The following DNAH10 variants were observed in gnomAD, a reference collection of about 807,000 sequenced individuals.
The protein encoded by DNAH10 is axonemal beta dynein heavy chain 10.
Under a neutral mutation model 506.6 loss-of-function variants are expected in DNAH10, and 348 were observed. That is an observed-to-expected ratio of 0.69 (90% confidence interval 0.63 to 0.75). The LOEUF (loss-of-function observed/expected upper bound fraction) is 0.75, where lower values mean the gene tolerates loss of function less well. Among genes scored for constraint, DNAH10 ranks in the 30% least tolerant of loss-of-function variants. DNAH10 has a pLI of 0.00. For synonymous variants in DNAH10, 2,059 were observed against 2,198.6 expected (o/e 0.94, Z 1.78); for missense variants, 5,179 against 5,787.1 (o/e 0.89, Z 3.41).
At position 123,907,353 on chromosome 12, in the gene DNAH10, AG is replaced by A. The variant is rs1409028467; in HGVS notation, c.9816-1905del. Among the ~76,000 whole-genome samples, 1 of 152,096 alleles carries A rather than the reference AG, an allele frequency of 6.6e-6. No individual in the cohort carries two copies. The highest frequency in any genetic ancestry group is 1.5e-5 in the Non-Finnish European group (1 of 68,010). Reference sequence around the variant, plus strand: ...TTATAAGGATTATTTTCCTCTAGGGAGGGTAGCATATCATTCTCCCTTTCTC... The same window carrying A: ...TTATAAGGATTATTTTCCTCTAGGGAGGTAGCATATCATTCTCCCTTTCTC... On this transcript the variant is annotated intron_variant, in intron 57 of 78. Transcript: ENST00000673944. The surrounding 1 kb of genome is among the most constrained non-coding windows in gnomAD (Gnocchi z 4.4).
intron 17 of DNAH10, 116 bp downstream of exon 17, chr12:123,803,941 A>G: frequency 2.0e-6 from 2 of 996,478 alleles, no homozygotes; most frequent in South Asian, 3.8e-5. Context: ...TGTTCCATGA[A>G]TGGCATCAAA....
At chr12:123,870,643 G>T (rs1951993510) in intron 44 of DNAH10, among the ~76,000 whole-genome samples, 158 bp downstream of exon 44, 1 of 152,174 alleles carries the variant, frequency 6.6e-6, no homozygotes, top group Non-Finnish European at 1.5e-5. Flanking sequence ...GCCCTCCTGG[G>T]CATGGAGGGT....
rs772049419 is a variant in DNAH10 at position 123,881,666 on chromosome 12, C to T, written c.8676C>T (p.Asn2892=). The T allele has an allele frequency of 6.5e-7, 1 of 1,541,654 alleles. No individual in the cohort carries two copies. The highest frequency in any genetic ancestry group is 1.2e-5 in the South Asian group (1 of 82,076). ...ATAATGAAAGCAACACCAAAATGAA[C>T]TTGGTTCTCTTCGACGATGCTCTGG... ...EEYNESNTKM[N]LVLFDDALEH... is the part of the protein sequence containing the mutation. Residue 2892 remains asparagine, a synonymous_variant, in exon 51 of 79, where the codon AAC becomes AAT. Transcript: ENST00000673944.
rs1450389333 is a variant in DNAH10 at position 123,826,674 on chromosome 12, T to C, written c.4180-13T>C. The C allele has an allele frequency of 1.2e-6, 2 of 1,611,638 alleles. No homozygotes were observed. Among genetic ancestry groups the C allele is most frequent in the Non-Finnish European group, 1.7e-6 (2 of 1,178,826 alleles). On this transcript the variant is annotated splice_polypyrimidine_tract_variant and intron_variant, in intron 24 of 78. Transcript: ENST00000673944. Reference sequence around the variant, plus strand: ...GGTCTTTGTTGATGGAGCTGTTCCTTGCACGTTTCCAGGTTGCAAAAGAAG... The same window carrying C: ...GGTCTTTGTTGATGGAGCTGTTCCTCGCACGTTTCCAGGTTGCAAAAGAAG...
chr12:123,886,920 G>A (rs1424066800), intron 51 of DNAH10, among the ~76,000 whole-genome samples: 4 of 152,166 alleles, frequency 2.6e-5, no homozygotes, highest in Admixed American at 1.3e-4. Context: ...TCACCTTGGG[G>A]TACATTCTTC....
intron 50 of DNAH10, among the ~76,000 whole-genome samples, chr12:123,881,361 T>C (rs900280362): frequency 7.2e-5 from 11 of 152,210 alleles, no homozygotes; most frequent in Non-Finnish European, 1.5e-4. Context: ...TGTGAGATGG[T>C]ATCTCATTGT....
chr12:123,932,027 A>G lies in DNAH10; in HGVS notation c.13215A>G (p.Arg4405=), dbSNP rs1955237637. ...TCGGGCATATCCCTAATATCTGGAG[A>G]AGGCTTGCTCCTGACACCTTAAAGT... ...LFIGHIPNIW[R]RLAPDTLKSL... The change falls in exon 76 of 79, where the codon AGA becomes AGG. Residue 4405 remains arginine, a synonymous_variant. Transcript: ENST00000673944. 1 of 1,613,918 alleles carries G rather than the reference A, an allele frequency of 6.2e-7. No individual in the cohort carries two copies. Among genetic ancestry groups the G allele is most frequent in the South Asian group, 1.1e-5 (1 of 91,070 alleles).
chr12:123,847,872 C>T, intron 32 of DNAH10, 89 bp from the exon 33 acceptor site: 1 of 1,490,150 alleles, frequency 6.7e-7, no homozygotes, highest in Admixed American at 2.1e-5. Flanking sequence ...CTCTATTCTG[C>T]ACCTATAGTC....
chr12:123,771,651 G>A lies in DNAH10; in HGVS notation c.349G>A (p.Glu117Lys), dbSNP rs189436184. ...ATCTCTAGGCCAACCTCTAAACAGA[G>A]AGGATGAAGAAATGGACAAAGAGAT... ...TESLGQPLNR[E>K]DEEMDKEISE... Residue 117 changes from glutamate (E) to lysine (K), a missense_variant, in exon 3 of 79, where the codon GAG (glutamate) becomes AAG (lysine). Glu to Lys is a moderately conservative substitution (Grantham distance 56). This residue lies in a region of DNAH10 where 326 missense variants were observed against 330.8 expected (regional missense o/e 0.99). Coordinates refer to ENST00000673944, the MANE Select transcript of DNAH10 (RefSeq NM_001372106.1). 5.6e-6 allele frequency: 9 copies of A among 1,613,620 alleles called. No individual in the cohort carries two copies. In the East Asian group the frequency reaches 2.0e-4, roughly 36 times the overall value.
intron 3 of DNAH10, among the ~76,000 whole-genome samples, 157 bp downstream of exon 3, chr12:123,771,855 G>C (rs563118056): frequency 6.6e-6 from 1 of 152,280 alleles, no homozygotes; most frequent in South Asian, 2.1e-4. Context: ...TGATTGGCTG[G>C]AAGGACTCAC....
intron 64 of DNAH10, 150 bp from the exon 65 acceptor site, chr12:123,918,526 G>T: frequency 1.1e-6 from 1 of 884,572 alleles, no homozygotes; most frequent in Non-Finnish European, 1.6e-6. Context: ...CTTCCTACAA[G>T]AGGGTGGGTG....
intron 48 of DNAH10, among the ~76,000 whole-genome samples, chr12:123,878,237 G>A (rs1952347747): frequency 1.3e-5 from 2 of 152,178 alleles, no homozygotes; most frequent in African/African-American, 2.4e-5. Flanking sequence ...TAACTCAGTC[G>A]TTGCCGGTTG....
chr12:123,848,118 G>C (rs189111455), intron 33 of DNAH10, 23 bp downstream of exon 33: 1 of 1,602,462 alleles, frequency 6.2e-7, no homozygotes, highest in Non-Finnish European at 8.5e-7. Flanking sequence ...TGTCACCTTT[G>C]GTACTGGCTC....
At chr12:123,887,522 C>T (rs557459533) in intron 52 of DNAH10, among the ~76,000 whole-genome samples, 2 of 152,110 alleles carry the variant, frequency 1.3e-5, no homozygotes, top group African/African-American at 2.4e-5. Flanking sequence ...CCCTTCTCTC[C>T]GTCTGCGATG....
intron 1 of DNAH10, among the ~76,000 whole-genome samples, chr12:123,765,051 G>A (rs1275039473): frequency 6.6e-6 from 1 of 152,034 alleles, no homozygotes; most frequent in Admixed American, 6.6e-5. Flanking sequence ...GACCTGCAGA[G>A]AGCCCAGCGT....
chr12:123,904,559 G>A (rs1305407500), intron 57 of DNAH10, among the ~76,000 whole-genome samples: 1 of 152,122 alleles, frequency 6.6e-6, no homozygotes, highest in Non-Finnish European at 1.5e-5. Flanking sequence ...AGAGGGCGTG[G>A]CATGTGTCCC....
chr12:123,858,340 G>A (rs983728115), intron 37 of DNAH10, among the ~76,000 whole-genome samples: 2 of 152,170 alleles, frequency 1.3e-5, no homozygotes, highest in African/African-American at 4.8e-5. Flanking sequence ...CTCGGGTCGG[G>A]CAGCTTCAGG....
intron 46 of DNAH10, among the ~76,000 whole-genome samples, chr12:123,874,927 G>A (rs1027207328): frequency 4.6e-5 from 7 of 152,110 alleles, no homozygotes; most frequent in African/African-American, 7.2e-5. Flanking sequence ...CCATCCATCC[G>A]TTCATTAATT....
In DNAH10 at chr12:123,928,387, G is replaced by C; in HGVS notation, c.12106G>C (p.Val4036Leu). The C allele has an allele frequency of 1.3e-6, 2 of 1,593,160 alleles. No individual in the cohort carries two copies. Among genetic ancestry groups the C allele is most frequent in the Non-Finnish European group, 8.5e-7 (1 of 1,170,432 alleles). The change falls in exon 70 of 79, where the codon GTG (valine) becomes CTG (leucine). Residue 4036 changes from valine (V) to leucine (L), a missense_variant and splice_region_variant. This residue lies in a region of DNAH10 where 4,844 missense variants were observed against 5,430.5 expected (regional missense o/e 0.89). Coordinates refer to ENST00000673944, the MANE Select transcript of DNAH10 (RefSeq NM_001372106.1). This position sits in a 1 kb window ranked among gnomAD's most constrained non-coding sequence, Gnocchi z 4.9. ...TCCTCTTCCCTCTCCCCCGGCGCAG[G>C]TGGCCCTGCAGCTGCTGGAGACGGC... Reference protein sequence around the residue: ...FLAMGQGQEKVALQLLETAVA... With the variant: ...FLAMGQGQEKLALQLLETAVA...
Sources: gnomAD v4.1 joint callset for allele counts (sites outside exome capture counted in the v4.1 genomes callset) on GRCh38, gnomAD v4.1.1 for gene constraint, gnomAD v4.1.1 regional missense constraint, Gnocchi (gnomAD v3.1) non-coding constraint, MANE v1.5 for transcripts, NCBI Gene and HGNC (gene_info 2026-07-23, HGNC 2026-07-21) for gene names.